SHTN1: variants seen among roughly 807,000 people sequenced by gnomAD.
SHTN1 encodes the protein shootin-1.
A neutral mutation model predicts 83.1 loss-of-function variants in SHTN1; 42 were observed. That is an observed-to-expected ratio of 0.51 (90% CI 0.39 to 0.65). The LOEUF is 0.65. Among genes scored for constraint, SHTN1 ranks in the 30% least tolerant of loss-of-function variants. The probability of loss-of-function intolerance (pLI) is 0.00; values close to 1 mark genes in which losing one functional copy is unlikely to be tolerated. For missense variants in SHTN1, 622 were observed against 737.8 expected, an observed-to-expected ratio of 0.84 and a Z score of 1.82; for synonymous variants, 224 against 247.7, an observed-to-expected ratio of 0.90 and a Z score of 0.90.
chr10:116,946,748 ATGTC>A (rs1849610082), intron 7 of SHTN1, among the ~76,000 whole-genome samples: 1 of 150,300 alleles, frequency 6.7e-6, no homozygotes, highest in South Asian at 2.1e-4. Flanking sequence ...GAGTCTCACT[ATGTC>A]TGTCGCCCAG....
chr10:116,975,896 A>G (rs150388011), intron 2 of SHTN1, among the ~76,000 whole-genome samples: 1 of 152,326 alleles, frequency 6.6e-6, no homozygotes, highest in African/African-American at 2.4e-5. Context: ...TTTCAACACA[A>G]ACCAATAGCT....
At chr10:117,054,001 C>T (rs868408102) in intron 1 of SHTN1, among the ~76,000 whole-genome samples, 7 of 152,290 alleles carry the variant, frequency 4.6e-5, no homozygotes, top group Non-Finnish European at 7.4e-5. Context: ...CAAAAGGCTA[C>T]ATATTGCATG....
At chr10:117,016,534 G>GAC (rs1852183350) in intron 2 of SHTN1, among the ~76,000 whole-genome samples, 1 of 152,170 alleles carries the variant, frequency 6.6e-6, no homozygotes, top group Non-Finnish European at 1.5e-5. Flanking sequence ...AGCCTCCTAA[G>GAC]TAGCTGGAAC....
chr10:116,920,628 C>G (rs1356098273), intron 12 of SHTN1, among the ~76,000 whole-genome samples: 1 of 152,062 alleles, frequency 6.6e-6, no homozygotes, highest in Non-Finnish European at 1.5e-5. Context: ...AAGGACAATT[C>G]TCATCACGTT....
intron 2 of SHTN1, among the ~76,000 whole-genome samples, chr10:116,971,042 A>G (rs1324984404): frequency 6.6e-6 from 1 of 152,154 alleles, no homozygotes; most frequent in African/African-American, 2.4e-5. Context: ...GTCCTTTCAA[A>G]ATATTTTAAA....
At chr10:117,017,942 A>G (rs1271715876) in intron 2 of SHTN1, among the ~76,000 whole-genome samples, 1 of 152,220 alleles carries the variant, frequency 6.6e-6, no homozygotes, top group African/African-American at 2.4e-5. Context: ...AAAAAAAGAA[A>G]GACAAACACA....
Position 116,996,648 on chromosome 10 carries a change from T to C in SHTN1, c.58+8374A>G, listed in dbSNP as rs900848569. On this transcript the variant is annotated intron_variant, in intron 1 of 16. Coordinates refer to ENST00000355371, the MANE Select transcript of SHTN1 (RefSeq NM_001127211.3). ...TAACCTTGCTTTTCCTTTTTTTTCA[T>C]AGAAATGTCTCTTATTAAGTATTTG... is the stretch of plus-strand genomic sequence containing the variant. 1.5e-4 allele frequency among the ~76,000 whole-genome samples: 23 copies of C among 152,284 alleles called. 3 individuals carry two copies. The highest frequency in any genetic ancestry group is 1.3e-3 in the Admixed American group (20 of 15,294).
At chr10:116,947,743 T>C (rs1170172284) in intron 7 of SHTN1, among the ~76,000 whole-genome samples, 3 of 152,182 alleles carry the variant, frequency 2.0e-5, no homozygotes, top group Admixed American at 6.6e-5. Context: ...CAGGTATTTA[T>C]TTATATAATT....
intron 11 of SHTN1, among the ~76,000 whole-genome samples, chr10:116,923,245 C>A (rs901906927): frequency 6.6e-6 from 1 of 152,174 alleles, no homozygotes; most frequent in East Asian, 1.9e-4. Context: ...AGGGTGATTA[C>A]ATAGATGCTC....
intron 2 of SHTN1, among the ~76,000 whole-genome samples, chr10:117,024,167 T>C (rs998344215): frequency 2.0e-5 from 3 of 152,076 alleles, no homozygotes; most frequent in Non-Finnish European, 4.4e-5. Flanking sequence ...TTCCATTTTA[T>C]GAAATTCTAG....
At chr10:116,937,449 A>T (rs1849216637) in intron 9 of SHTN1, among the ~76,000 whole-genome samples, 1 of 152,092 alleles carries the variant, frequency 6.6e-6, no homozygotes, top group South Asian at 2.1e-4. Context: ...ATGAAATTCT[A>T]GGTTGAAAAT....
At chr10:117,033,109 T>C (rs2083022) in intron 2 of SHTN1, among the ~76,000 whole-genome samples, 99,172 of 151,940 alleles carry the variant, frequency 0.65, 36,124 homozygotes, top group Middle Eastern at 0.84. Context: ...TTTCAAATAA[T>C]GTAATGATTC....
upstream of SHTN1, among the ~76,000 whole-genome samples, chr10:117,006,451 ACCTACTCGG>A (rs1470273754): frequency 1.3e-5 from 2 of 151,126 alleles, no homozygotes; most frequent in East Asian, 3.9e-4. Context: ...CTGTAGTCCC[ACCTACTCGG>A]GAAGCTGAGG....
At chr10:116,970,076 A>G (rs372173007) in intron 2 of SHTN1, among the ~76,000 whole-genome samples, 26 of 152,340 alleles carry the variant, frequency 1.7e-4, no homozygotes, top group African/African-American at 6.0e-4. Flanking sequence ...ATGATGTCAC[A>G]TAATGTGAAA....
At chr10:116,898,059 G>GGCTCATCCCTGTAATCCCA (rs1847584079) in intron 16 of SHTN1, among the ~76,000 whole-genome samples, 1 of 152,084 alleles carries the variant, frequency 6.6e-6, no homozygotes, top group African/African-American at 2.4e-5. Flanking sequence ...TGAGCGTGGT[G>GGCTCATCCCTGTAATCCCA]GCTCATCCCT....
chr10:117,093,706 G>C (rs1208693955), intron 1 of SHTN1, among the ~76,000 whole-genome samples: 2 of 152,138 alleles, frequency 1.3e-5, no homozygotes, highest in Non-Finnish European at 2.9e-5. Context: ...GGAACAACTA[G>C]GAAACAATTG....
chr10:116,946,386 C>T (rs951695326), intron 7 of SHTN1, among the ~76,000 whole-genome samples: 5 of 144,796 alleles, frequency 3.5e-5, no homozygotes, highest in African/African-American at 1.3e-4. Flanking sequence ...TGAATATATA[C>T]ATTTTTATGT....
At chr10:117,054,552 C>G (rs1852799972) in intron 1 of SHTN1, among the ~76,000 whole-genome samples, 1 of 151,680 alleles carries the variant, frequency 6.6e-6, no homozygotes, top group African/African-American at 2.4e-5. Flanking sequence ...ACTACAGGTG[C>G]CCGCCACCAT....
At chr10:116,984,507 A>G (rs1366819446) in intron 1 of SHTN1, among the ~76,000 whole-genome samples, 1 of 152,118 alleles carries the variant, frequency 6.6e-6, no homozygotes, top group Non-Finnish European at 1.5e-5. Context: ...TACTCCCTGT[A>G]TGAAACGTCT....
Sources: gnomAD v4.1 joint callset for allele counts (sites outside exome capture counted in the v4.1 genomes callset) on GRCh38, gnomAD v4.1.1 for gene constraint, MANE v1.5 for transcripts, NCBI Gene and HGNC (gene_info 2026-07-23, HGNC 2026-07-21) for gene names.